The following KNSTRN variants were observed in gnomAD, a reference collection of about 807,000 sequenced individuals.
KNSTRN encodes the protein small kinetochore-associated protein.
In KNSTRN, 38 loss-of-function variants were observed where a neutral mutation model predicts 44.7. That is an observed-to-expected ratio of 0.85 (90% CI 0.66 to 1.11). The LOEUF (loss-of-function observed/expected upper bound fraction) is 1.11, where lower values mean the gene tolerates loss of function less well. KNSTRN is among the 50% of genes most tolerant of loss of function. KNSTRN has a pLI of 0.00. For synonymous variants in KNSTRN, 158 were observed against 148.1 expected (o/e 1.07, Z -0.48); for missense variants, 406 against 375.8 (o/e 1.08, Z -0.66).
chr15:40,393,369 G>C, intron 8 of KNSTRN, 100 bp from the exon 9 acceptor site: 1 of 1,590,550 alleles, frequency 6.3e-7, no homozygotes, highest in East Asian at 2.2e-5. Context: ...GTCTTCCTTA[G>C]TGGAATAGGA....
intron 2 of KNSTRN, chr15:40,384,348 T>A: frequency 2.5e-6 from 1 of 405,482 alleles, no homozygotes; most frequent in Non-Finnish European, 5.0e-6. Flanking sequence ...CACTCCAGCC[T>A]GGGCGACAGA....
chr15:40,391,780 T>TA, intron 7 of KNSTRN, 169 bp from the exon 8 acceptor site: 1 of 669,282 alleles, frequency 1.5e-6, no homozygotes, highest in South Asian at 2.0e-5. Context: ...TTAAAACACA[T>TA]AATAGGTAAA....
At position 40,382,779 on chromosome 15, in the gene KNSTRN, G is replaced by T; in HGVS notation, c.-57G>T. The T allele has an allele frequency of 6.7e-7, 1 of 1,493,146 alleles. No individual in the cohort carries two copies. Among genetic ancestry groups the T allele is most frequent in the Non-Finnish European group, 9.2e-7 (1 of 1,091,616 alleles). The allele number at this position is 1,493,146 out of a possible 1,614,324, so 92.5% of individuals were successfully genotyped here. On this transcript the variant is annotated 5_prime_UTR_variant, in exon 1 of 9. Coordinates refer to ENST00000249776, the MANE Select transcript of KNSTRN (RefSeq NM_033286.4). Reference sequence around the variant, plus strand: ...CCTCCTCCTCTGCCCAGACCTGGGGGCTCCAACACCTTTCGCTAGGTCTGG... The same window carrying T: ...CCTCCTCCTCTGCCCAGACCTGGGGTCTCCAACACCTTTCGCTAGGTCTGG...
intron 4 of KNSTRN, chr15:40,389,189 C>T (rs1021217691): frequency 5.6e-5 from 26 of 467,776 alleles, no homozygotes; most frequent in Admixed American, 2.3e-4. Context: ...CTTGTTGCCA[C>T]CCAGGCTGGA....
At chr15:40,389,976 G>A in intron 6 of KNSTRN, 47 bp downstream of exon 6, 2 of 1,476,138 alleles carry the variant, frequency 1.4e-6, no homozygotes, top group Non-Finnish European at 1.9e-6. Flanking sequence ...ATTGGTGCAT[G>A]TGCCCCTTCC....
intron 2 of KNSTRN, chr15:40,384,809 C>T (rs1350819270): frequency 6.1e-6 from 1 of 163,876 alleles, no homozygotes; most frequent in African/African-American, 2.4e-5. Flanking sequence ...TGACACCAGC[C>T]ATCCAGTTCC....
chr15:40,385,438 C>T (rs976439750), intron 2 of KNSTRN, among the ~76,000 whole-genome samples: 3 of 152,092 alleles, frequency 2.0e-5, no homozygotes, highest in Admixed American at 6.5e-5. Context: ...AACAAAAGGG[C>T]TAGTGGTAGA....
At position 40,391,567 on chromosome 15, in the gene KNSTRN, G is replaced by A; in HGVS notation, c.747+13G>A. 1 of 1,610,504 alleles carries A rather than the reference G, an allele frequency of 6.2e-7. No homozygotes were observed. Among genetic ancestry groups the A allele is most frequent in the Non-Finnish European group, 8.5e-7 (1 of 1,176,756 alleles). On this transcript the variant is annotated intron_variant, in intron 7 of 8. Coordinates refer to ENST00000249776, the MANE Select transcript of KNSTRN (RefSeq NM_033286.4). ...CATGGACTCTATGGTGAGGGCATGG[G>A]TGTGAAAGGGCGCAAGGGCTGAGTG...
At chr15:40,390,636 A>G (rs1004877004) in intron 6 of KNSTRN, among the ~76,000 whole-genome samples, 33 of 149,412 alleles carry the variant, frequency 2.2e-4, no homozygotes, top group African/African-American at 7.6e-4. Flanking sequence ...TTTTTTTGAG[A>G]TGAAGTCTCA....
Position 40,389,918 on chromosome 15 carries a change from G to T in KNSTRN, c.674G>T (p.Gly225Val), listed in dbSNP as rs751449930. The T allele has an allele frequency of 1.9e-6, 3 of 1,613,968 alleles. No individual in the cohort carries two copies. The highest frequency in any genetic ancestry group is 2.5e-6 in the Non-Finnish European group (3 of 1,179,808). The change falls in exon 6 of 9, where the codon GGC (glycine) becomes GTC (valine). Residue 225 changes from glycine (G) to valine (V), a missense_variant. Coordinates refer to ENST00000249776, the MANE Select transcript of KNSTRN (RefSeq NM_033286.4). ...TGTTTGGCAATTTTGGAGAGCAAGG[G>T]CCTTGATCCAGGTAAGAGACAGCAC... Reference protein sequence around the residue: ...DNCLAILESKGLDPALGSETL... With the variant: ...DNCLAILESKVLDPALGSETL...
chr15:40,393,658 G>T lies in KNSTRN; in HGVS notation c.*61G>T. 1 of 1,481,436 alleles carries T rather than the reference G, an allele frequency of 6.8e-7. No individual in the cohort carries two copies. Among genetic ancestry groups the T allele is most frequent in the South Asian group, 1.2e-5 (1 of 82,322 alleles). The allele number at this position is 1,481,436 out of a possible 1,614,324, so 91.8% of individuals were successfully genotyped here. ...ATAAAATCTCAGAGGAAGCTACTTA[G>T]GACATCATCTTGGCCATGATCTTCT... is the stretch of plus-strand genomic sequence containing the variant. On this transcript the variant is annotated 3_prime_UTR_variant, in exon 9 of 9. Coordinates refer to ENST00000249776, the MANE Select transcript of KNSTRN (RefSeq NM_033286.4).
chr15:40,392,443 C>CT (rs1271894606), intron 8 of KNSTRN, among the ~76,000 whole-genome samples: 1 of 152,174 alleles, frequency 6.6e-6, no homozygotes, highest in Non-Finnish European at 1.5e-5. Flanking sequence ...AATCCCAGCA[C>CT]TTTGGGAGGC....
At chr15:40,391,732 T>C in intron 7 of KNSTRN, 178 bp downstream of exon 7, 1 of 670,082 alleles carries the variant, frequency 1.5e-6, no homozygotes, top group Non-Finnish European at 2.5e-6. Context: ...GAAAGGTAGC[T>C]TTGTGCTTAC....
intron 8 of KNSTRN, among the ~76,000 whole-genome samples, chr15:40,392,692 C>A (rs1266092117): frequency 2.0e-5 from 3 of 152,160 alleles, no homozygotes; most frequent in African/African-American, 7.2e-5. Flanking sequence ...CTCACTGCAA[C>A]CTCCGCCTCC....
chr15:40,384,441 T>C, intron 2 of KNSTRN: 1 of 455,836 alleles, frequency 2.2e-6, no homozygotes, highest in Non-Finnish European at 4.4e-6. Flanking sequence ...TTGTTTGTTG[T>C]CTTGTGTTGC....
rs555018723 is a variant in KNSTRN at position 40,386,359 on chromosome 15, C to G, written c.305-3C>G. ...AAGCTTTACCTCTCATTTTCCTTTG[C>G]AGACACACAAACTCGGGCCACTTCT... On this transcript the variant is annotated splice_polypyrimidine_tract_variant and splice_region_variant and intron_variant, in intron 2 of 8. Coordinates refer to ENST00000249776, the MANE Select transcript of KNSTRN (RefSeq NM_033286.4). 4 of 1,612,762 alleles carry G rather than the reference C, an allele frequency of 2.5e-6. No individual in the cohort carries two copies. The Admixed American group carries it at 6.7e-5, about 27-fold the overall frequency.
Position 40,386,508 on chromosome 15 carries a change from A to G in KNSTRN, c.437+14A>G. 3 of 1,610,844 alleles carry G rather than the reference A, an allele frequency of 1.9e-6. No homozygotes were observed. The highest frequency in any genetic ancestry group is 2.7e-5 in the African/African-American group (2 of 74,860). Reference sequence around the variant, plus strand: ...ACGAGAGAATGGGTGAGAACGGATCATTAGTATCCAGTTAGAACATCTTCC... The same window carrying G: ...ACGAGAGAATGGGTGAGAACGGATCGTTAGTATCCAGTTAGAACATCTTCC... On this transcript the variant is annotated intron_variant, in intron 3 of 8. Coordinates refer to ENST00000249776, the MANE Select transcript of KNSTRN (RefSeq NM_033286.4).
intron 4 of KNSTRN, 161 bp downstream of exon 4, chr15:40,387,367 T>G (rs926399502): frequency 1.6e-5 from 11 of 682,974 alleles, no homozygotes; most frequent in Non-Finnish European, 2.7e-5. Context: ...CACAGCTAGG[T>G]GTAAGAACCA....
At chr15:40,388,291 A>C (rs1464702867) in intron 4 of KNSTRN, among the ~76,000 whole-genome samples, 15 of 152,238 alleles carry the variant, frequency 9.9e-5, no homozygotes, top group Admixed American at 9.2e-4. Context: ...AATTAACTAA[A>C]AGTATCCCTT....
Sources: gnomAD v4.1 joint callset for allele counts (sites outside exome capture counted in the v4.1 genomes callset) on GRCh38, gnomAD v4.1.1 for gene constraint, MANE v1.5 for transcripts, NCBI Gene and HGNC (gene_info 2026-07-23, HGNC 2026-07-21) for gene names.